Variants in INSL6 observed in about 807,000 individuals in gnomAD.
INSL6 encodes the protein insulin-like peptide INSL6.
In INSL6, 16 loss-of-function variants were observed where a neutral mutation model predicts 9.4. That is an observed-to-expected ratio of 1.70 (90% CI 1.15 to 2.59). The LOEUF is 2.59. INSL6 is among the 30% of genes most tolerant of loss of function. The pLI, the probability that INSL6 is intolerant of heterozygous loss-of-function variation, is 0.00. For synonymous variants in INSL6, 154 were observed against 96.9 expected (o/e 1.59, Z -3.46); for missense variants, 391 against 257.3 (o/e 1.52, Z -3.56).
chr9:5,013,720 T>A, the INSL6 span, among the ~76,000 whole-genome samples: 1 of 152,218 alleles, frequency 6.6e-6, no homozygotes, highest in Admixed American at 6.5e-5. Context: ...TCTAAAACCT[T>A]TCTTTGTTTT....
At chr9:5,111,420 CGAAGGTCGG>C in the INSL6 span, 4 of 400,758 alleles carry the variant, frequency 1.0e-5, no homozygotes, top group South Asian at 7.8e-5. Context: ...ACGCAGCCCA[CGAAGGTCGG>C]GAAGGTCCCG....
chr9:5,103,831 G>A, the INSL6 span, among the ~76,000 whole-genome samples: 1 of 152,112 alleles, frequency 6.6e-6, no homozygotes, highest in Admixed American at 6.6e-5. Context: ...GGTAAATAAT[G>A]AAATGAAGAC....
chr9:5,101,700 T>TTGGC, the INSL6 span, among the ~76,000 whole-genome samples: 2 of 152,188 alleles, frequency 1.3e-5, no homozygotes, highest in Non-Finnish European at 2.9e-5. Context: ...GGCAGCAACA[T>TTGGC]TGGCTGTTCT....
At chr9:5,140,831 A>C (rs1824482122) in intron 2 of INSL6, among the ~76,000 whole-genome samples, 2 of 152,008 alleles carry the variant, frequency 1.3e-5, no homozygotes, top group African/African-American at 4.8e-5. Context: ...TATTAAGCCT[A>C]GTTATTTTTT....
the INSL6 span, among the ~76,000 whole-genome samples, chr9:5,118,822 C>G: frequency 6.6e-6 from 1 of 152,078 alleles, no homozygotes; most frequent in African/African-American, 2.4e-5. Context: ...TTCATTTGAT[C>G]AGATCCATTA....
At chr9:5,061,349 T>C in the INSL6 span, among the ~76,000 whole-genome samples, 1 of 152,246 alleles carries the variant, frequency 6.6e-6, no homozygotes, top group African/African-American at 2.4e-5. Flanking sequence ...AGAAGGCTGT[T>C]TTGTTTACAT....
the INSL6 span, among the ~76,000 whole-genome samples, chr9:5,018,261 G>A: frequency 6.6e-6 from 1 of 152,104 alleles, no homozygotes; most frequent in East Asian, 1.9e-4. Context: ...GTGTGTGTTT[G>A]CTTTACCAGT....
chr9:5,001,205 A>T, the INSL6 span, among the ~76,000 whole-genome samples: 39,885 of 151,790 alleles, frequency 0.26, 5,368 homozygotes, highest in Middle Eastern at 0.37. Context: ...TTCTTACCAG[A>T]TTGCATTAGG....
the INSL6 span, chr9:5,041,420 A>G: frequency 2.6e-4 from 165 of 626,808 alleles, no homozygotes; most frequent in Non-Finnish European, 4.4e-4. Flanking sequence ...GCTGGGCCAC[A>G]TGTTCATGTA....
downstream of INSL6, among the ~76,000 whole-genome samples, chr9:5,120,067 G>C (rs753625760): frequency 1.3e-5 from 2 of 152,220 alleles, no homozygotes; most frequent in Non-Finnish European, 2.9e-5. Context: ...CACACTTCTA[G>C]AGGTTAGGAG....
At chr9:5,170,088 T>C (rs1428230846) in intron 1 of INSL6, among the ~76,000 whole-genome samples, 1 of 150,902 alleles carries the variant, frequency 6.6e-6, no homozygotes, top group East Asian at 1.9e-4. Context: ...ACGTGGCACA[T>C]CACATAATTG....
chr9:5,119,265 T>A (rs1004790840), downstream of INSL6, among the ~76,000 whole-genome samples: 1 of 152,104 alleles, frequency 6.6e-6, no homozygotes, highest in African/African-American at 2.4e-5. Context: ...GTGATTTTTT[T>A]AAAACCTGAG....
the INSL6 span, chr9:5,085,372 T>C: frequency 1.1e-6 from 1 of 902,428 alleles, no homozygotes; most frequent in Non-Finnish European, 1.9e-6. Context: ...GGTGATCTCA[T>C]GCACCACTGG....
chr9:5,112,994 C>T, the INSL6 span: 1 of 185,276 alleles, frequency 5.4e-6, no homozygotes, highest in South Asian at 1.6e-4. Flanking sequence ...TGATGAGGCT[C>T]AGAGTGATGG....
the INSL6 span, among the ~76,000 whole-genome samples, chr9:5,102,931 T>C: frequency 6.6e-6 from 1 of 151,992 alleles, no homozygotes; most frequent in Non-Finnish European, 1.5e-5. Flanking sequence ...TAGCAGCCAC[T>C]GCAAAAACAT....
At chr9:5,120,896 G>C (rs997323202), downstream of INSL6, among the ~76,000 whole-genome samples, 2 of 152,168 alleles carry the variant, frequency 1.3e-5, no homozygotes, top group African/African-American at 4.8e-5. Flanking sequence ...GCAAGTTTTG[G>C]AAAGAGGATG....
At chr9:5,156,277 AT>A (rs1398591047) in intron 2 of INSL6, among the ~76,000 whole-genome samples, 2 of 152,238 alleles carry the variant, frequency 1.3e-5, no homozygotes, top group Non-Finnish European at 2.9e-5. Context: ...AATAAATCAT[AT>A]AATCCTAAAC....
intron 3 of INSL6, among the ~76,000 whole-genome samples, chr9:5,131,507 G>A (rs1432244496): frequency 1.4e-5 from 2 of 144,240 alleles, no homozygotes; most frequent in African/African-American, 2.7e-5. Flanking sequence ...GCGTGATCTC[G>A]GCTCACTGCA....
chr9:5,141,155 T>C (rs1824489313), intron 2 of INSL6, among the ~76,000 whole-genome samples: 1 of 152,022 alleles, frequency 6.6e-6, no homozygotes, highest in Non-Finnish European at 1.5e-5. Flanking sequence ...ATTGTGAATA[T>C]GTTGCAATGA....
Sources: gnomAD v4.1 joint callset for allele counts (sites outside exome capture counted in the v4.1 genomes callset) on GRCh38, gnomAD v4.1.1 for gene constraint, MANE v1.5 for transcripts, NCBI Gene and HGNC (gene_info 2026-07-23, HGNC 2026-07-21) for gene names.